The following RAP1A variants were observed in gnomAD, a reference collection of about 807,000 sequenced individuals.
RAP1A encodes the protein RAP1A, member of RAS oncogene family.
Under a neutral mutation model 26.4 loss-of-function variants are expected in RAP1A, and 6 were observed. The ratio of observed to expected loss-of-function variants is 0.23; its 90% CI spans 0.12 to 0.45. The LOEUF (loss-of-function observed/expected upper bound fraction) is 0.45. Ranked by LOEUF, RAP1A falls within the 20% of genes least tolerant of loss-of-function variation. The pLI, the probability that RAP1A is intolerant of heterozygous loss-of-function variation, is 0.99. For missense variants in RAP1A, 121 were observed against 217.2 expected (o/e 0.56, Z 2.78); for synonymous variants, 73 against 79.4 (o/e 0.92, Z 0.43).
At chr1:111,672,623 G>T (rs1281246485) in intron 1 of RAP1A, among the ~76,000 whole-genome samples, 3 of 152,164 alleles carry the variant, frequency 2.0e-5, no homozygotes, top group African/African-American at 7.2e-5. Flanking sequence ...GGACTCCATA[G>T]ATAGGTATCC....
chr1:111,547,984 CT>C (rs1657100390), intron 1 of RAP1A, among the ~76,000 whole-genome samples: 1 of 152,224 alleles, frequency 6.6e-6, no homozygotes, highest in Admixed American at 6.5e-5. Context: ...GACCAGTTCA[CT>C]TTTGCTTTGA....
At chr1:111,563,778 G>T in intron 1 of RAP1A, 1 of 1,145,798 alleles carries the variant, frequency 8.7e-7, no homozygotes, top group Non-Finnish European at 1.3e-6. Context: ...ATGTTCCAAA[G>T]TGGTCAGTAT....
At chr1:111,636,828 G>A (rs1178749328) in intron 1 of RAP1A, among the ~76,000 whole-genome samples, 3 of 152,090 alleles carry the variant, frequency 2.0e-5, no homozygotes, top group South Asian at 2.1e-4. Flanking sequence ...AGTTGACTGG[G>A]AATTTCTAGA....
Position 111,691,341 on chromosome 1 carries a change from G to A in RAP1A, c.-20G>A. ...TTTTTGTTTGTTTTTCAGATCGTCAGTATTTAAACAGATCACATCATGCGT... is the reference window on the plus strand; with the variant it reads ...TTTTTGTTTGTTTTTCAGATCGTCAATATTTAAACAGATCACATCATGCGT... On this transcript the variant is annotated 5_prime_UTR_variant, in exon 2 of 8. Transcript: ENST00000369709. The A allele has an allele frequency of 6.2e-7, 1 of 1,608,918 alleles. No homozygotes were observed. Among genetic ancestry groups the A allele is most frequent in the Non-Finnish European group, 8.5e-7 (1 of 1,175,708 alleles).
chr1:111,621,650 G>T, intron 1 of RAP1A, among the ~76,000 whole-genome samples: 1 of 152,192 alleles, frequency 6.6e-6, no homozygotes. Flanking sequence ...CAGTTTGTAA[G>T]ATAGTAATTC....
chr1:111,691,494 A>G, intron 2 of RAP1A, 77 bp downstream of exon 2: 1 of 1,317,652 alleles, frequency 7.6e-7, no homozygotes, highest in Non-Finnish European at 1.1e-6. Flanking sequence ...TCAGACTTCT[A>G]GATGCCAAAG....
chr1:111,572,000 TGC>T, intron 1 of RAP1A, among the ~76,000 whole-genome samples: 1 of 127,862 alleles, frequency 7.8e-6, no homozygotes, highest in African/African-American at 3.0e-5. Context: ...AAGCAGGGGC[TGC>T]AGCACAGTGC....
intron 1 of RAP1A, among the ~76,000 whole-genome samples, chr1:111,584,735 T>G (rs1658327551): frequency 6.6e-6 from 1 of 152,148 alleles, no homozygotes; most frequent in Non-Finnish European, 1.5e-5. Context: ...AGGGAATACT[T>G]TATATGCCTG....
intron 1 of RAP1A, among the ~76,000 whole-genome samples, chr1:111,566,870 T>C (rs1657929307): frequency 1.3e-5 from 2 of 151,548 alleles, no homozygotes; most frequent in South Asian, 4.2e-4. Context: ...GGTTGGGTTT[T>C]TTTTTTTTTT....
At chr1:111,700,448 A>G (rs117157522) in intron 4 of RAP1A, among the ~76,000 whole-genome samples, 2,970 of 152,200 alleles carry the variant, frequency 0.02, 59 homozygotes, top group East Asian at 0.071. Context: ...AAACAACCAG[A>G]TCTCACGAGA....
intron 1 of RAP1A, among the ~76,000 whole-genome samples, chr1:111,654,719 A>G (rs1660393884): frequency 6.6e-6 from 1 of 151,746 alleles, no homozygotes. Context: ...TAAGAAGTCC[A>G]GAGACTTCTA....
intron 1 of RAP1A, among the ~76,000 whole-genome samples, chr1:111,642,403 T>C (rs1395316456): frequency 6.6e-6 from 1 of 152,180 alleles, no homozygotes; most frequent in Non-Finnish European, 1.5e-5. Context: ...ATTCCTTTCT[T>C]GTAGTCTATT....
chr1:111,652,905 C>T (rs1660319525), intron 1 of RAP1A, among the ~76,000 whole-genome samples: 1 of 152,082 alleles, frequency 6.6e-6, no homozygotes, highest in South Asian at 2.1e-4. Flanking sequence ...TCTTACGACC[C>T]AGCAGTTTTG....
intron 1 of RAP1A, among the ~76,000 whole-genome samples, chr1:111,687,110 A>C (rs1244966763): frequency 6.6e-6 from 1 of 151,626 alleles, no homozygotes; most frequent in Non-Finnish European, 1.5e-5. Flanking sequence ...TTTCAATTCT[A>C]CCATCTTGCC....
chr1:111,595,548 G>A (rs984233807), intron 1 of RAP1A, among the ~76,000 whole-genome samples: 2 of 152,170 alleles, frequency 1.3e-5, no homozygotes, highest in Non-Finnish European at 2.9e-5. Flanking sequence ...CAAAGCTGAG[G>A]ATCTTTTTTG....
intron 1 of RAP1A, among the ~76,000 whole-genome samples, chr1:111,666,931 A>AATAGGGATATGGAGCAAG (rs59771297): frequency 0.41 from 62,521 of 151,748 alleles, 13,110 homozygotes; most frequent in African/African-American, 0.49. Context: ...ATAGAGAGTA[A>AATAGGGATATGGAGCAAG]ATAGGGATAT....
At chr1:111,543,685 A>G (rs1656931320) in intron 1 of RAP1A, among the ~76,000 whole-genome samples, 1 of 151,076 alleles carries the variant, frequency 6.6e-6, no homozygotes, top group Non-Finnish European at 1.5e-5. Flanking sequence ...AAAGGAGAGG[A>G]GGAGGGGGAG....
chr1:111,566,833 G>T (rs1481286798), intron 1 of RAP1A, among the ~76,000 whole-genome samples: 2 of 150,608 alleles, frequency 1.3e-5, no homozygotes, highest in Admixed American at 6.6e-5. Context: ...CCCAGGTTTT[G>T]TGGAGCCTAA....
chr1:111,568,721 T>C (rs949106979), intron 1 of RAP1A, among the ~76,000 whole-genome samples: 3 of 152,084 alleles, frequency 2.0e-5, no homozygotes, highest in Non-Finnish European at 2.9e-5. Flanking sequence ...ATTTTTTCAA[T>C]AAAAGTTACA....
Sources: allele counts gnomAD v4.1 joint callset (sites outside exome capture counted in the v4.1 genomes callset), GRCh38; gene constraint gnomAD v4.1.1; transcripts MANE v1.5; gene names NCBI Gene and HGNC (gene_info 2026-07-23, HGNC 2026-07-21).